DMXL1: variants seen among roughly 807,000 people sequenced by gnomAD.
DMXL1 encodes the protein Dmx like 1, also known as dmX-like protein 1.
A neutral mutation model predicts 319.2 loss-of-function variants in DMXL1; 99 were observed. The ratio of observed to expected loss-of-function variants is 0.31; its 90% CI spans 0.26 to 0.37. DMXL1 has a LOEUF of 0.37. Ranked by LOEUF, DMXL1 falls within the 10% of genes least tolerant of loss-of-function variation. DMXL1 has a pLI of 1.00. For synonymous variants in DMXL1, 1,385 were observed against 1,235.2 expected, an observed-to-expected ratio of 1.12 and a Z score of -2.54; for missense variants, 3,745 against 3,595.6, an observed-to-expected ratio of 1.04 and a Z score of -1.06.
intron 38 of DMXL1, among the ~76,000 whole-genome samples, chr5:119,230,642 G>C (rs1288747298): frequency 2.0e-5 from 3 of 152,156 alleles, no homozygotes; most frequent in Non-Finnish European, 4.4e-5. Flanking sequence ...CAGCACTTTG[G>C]GAGGCCAAGG....
intron 25 of DMXL1, among the ~76,000 whole-genome samples, chr5:119,175,043 A>C (rs1476696735): frequency 6.6e-6 from 1 of 152,184 alleles, no homozygotes; most frequent in Non-Finnish European, 1.5e-5. Flanking sequence ...TGTGTTTTAT[A>C]ATTTCTGCTG....
chr5:119,159,564 T>C (rs991510302), intron 19 of DMXL1, among the ~76,000 whole-genome samples: 4 of 152,274 alleles, frequency 2.6e-5, no homozygotes, highest in East Asian at 3.8e-4. Flanking sequence ...TAATCTCTTA[T>C]GATTATTTGT....
At chr5:119,146,757 C>A in intron 15 of DMXL1, 80 bp from the exon 16 acceptor site, 1 of 1,346,898 alleles carries the variant, frequency 7.4e-7, no homozygotes, top group Non-Finnish European at 9.9e-7. Flanking sequence ...TTTTAAAGTC[C>A]AATTATTTTA....
rs369067362 is a variant in DMXL1, at chr5:119,213,322, C to T, written c.7927-3579C>T. Among the ~76,000 whole-genome samples, 46 of 152,270 alleles carry T rather than the reference C, an allele frequency of 3.0e-4. 1 individual carries two copies. Among genetic ancestry groups the T allele is most frequent in the Middle Eastern group, 6.8e-3 (2 of 294 alleles). ...ATGCAGATATTTTCTTCTGCCTCCT[C>T]TAACAGAGTGAACTGTTACCCTTTT... On this transcript the variant is annotated intron_variant, in intron 34 of 43. Coordinates refer to ENST00000539542, the MANE Select transcript of DMXL1 (RefSeq NM_001290321.3).
In DMXL1 at chr5:119,248,401, A is replaced by G. The variant is rs1790105665; in HGVS notation, c.*1182A>G. ...ACAATGCTTTTAACTTAAATGTGCT[A>G]ACCCTGTTTCTGTCTGTTTTGTGCT... On this transcript the variant is annotated 3_prime_UTR_variant, in exon 44 of 44. Coordinates refer to ENST00000539542, the MANE Select transcript of DMXL1 (RefSeq NM_001290321.3). The G allele has an allele frequency of 6.6e-6, 1 of 152,518 alleles. No individual in the cohort carries two copies. The allele number at this position is 152,518 out of a possible 1,614,324, so 9.4% of individuals were successfully genotyped here. A position where few individuals can be genotyped will look rare whatever the true frequency, so the allele number is the denominator to read the frequency against.
In DMXL1 at chr5:119,192,231, A is replaced by G. The variant is rs547888242; in HGVS notation, c.7315-1597A>G. ...GATCAATTACATTTGCTCCTGTCTT[A>G]TTTCCTCCTGTTATAATGGAGAAAG... On this transcript the variant is annotated intron_variant, in intron 29 of 43. Coordinates refer to ENST00000539542, the MANE Select transcript of DMXL1 (RefSeq NM_001290321.3). Among the ~76,000 whole-genome samples, 5 of 152,250 alleles carry G rather than the reference A, an allele frequency of 3.3e-5. No homozygotes were observed. The South Asian group carries it at 1.0e-3, about 32-fold the overall frequency.
intron 1 of DMXL1, among the ~76,000 whole-genome samples, chr5:119,086,677 A>G (rs1205702562): frequency 3.3e-5 from 5 of 152,036 alleles, no homozygotes; most frequent in African/African-American, 1.2e-4. Context: ...TCAGGTCCTG[A>G]GCTTTTCTTT....
chr5:119,115,164 C>G (rs549530936), intron 6 of DMXL1, among the ~76,000 whole-genome samples: 15 of 152,290 alleles, frequency 9.8e-5, no homozygotes, highest in Admixed American at 9.8e-4. Context: ...ACACCTACCT[C>G]ATAGGTCATT....
At chr5:119,080,791 C>T (rs1752027650) in intron 1 of DMXL1, among the ~76,000 whole-genome samples, 1 of 152,138 alleles carries the variant, frequency 6.6e-6, no homozygotes, top group Admixed American at 6.6e-5. Context: ...CATCACTTTT[C>T]CTCCTCTCTG....
At chr5:119,099,823 G>T (rs929751486) in intron 2 of DMXL1, among the ~76,000 whole-genome samples, 16 of 151,934 alleles carry the variant, frequency 1.1e-4, no homozygotes, top group Admixed American at 3.9e-4. Context: ...GGGCAACCCT[G>T]TCTCTACAAA....
chr5:119,195,087 A>C (rs1375487311), intron 30 of DMXL1, among the ~76,000 whole-genome samples: 1 of 152,030 alleles, frequency 6.6e-6, no homozygotes, highest in Non-Finnish European at 1.5e-5. Flanking sequence ...AACAAAAACA[A>C]AAAAAATAAC....
intron 1 of DMXL1, among the ~76,000 whole-genome samples, chr5:119,094,062 G>A (rs941173399): frequency 2.0e-5 from 3 of 152,176 alleles, no homozygotes; most frequent in Admixed American, 6.5e-5. Context: ...TAGAAGCTTC[G>A]GCATGTTATC....
At chr5:119,237,062 C>T (rs945091782) in intron 39 of DMXL1, 2 of 196,448 alleles carry the variant, frequency 1.0e-5, no homozygotes, top group Admixed American at 1.2e-4. Flanking sequence ...GTAATACTTA[C>T]AGAGAATATA....
intron 1 of DMXL1, among the ~76,000 whole-genome samples, chr5:119,088,349 A>T (rs1051335915): frequency 6.6e-6 from 1 of 152,092 alleles, no homozygotes; most frequent in African/African-American, 2.4e-5. Context: ...TTTGTTGGTA[A>T]GGTGGGTTTC....
At chr5:119,169,415 A>G (rs1774108432) in intron 23 of DMXL1, among the ~76,000 whole-genome samples, 1 of 152,178 alleles carries the variant, frequency 6.6e-6, no homozygotes, top group Non-Finnish European at 1.5e-5. Flanking sequence ...AGGAGTGTAA[A>G]GGAATTAGGA....
chr5:119,214,009 G>A (rs1256886826), intron 34 of DMXL1, among the ~76,000 whole-genome samples: 4 of 152,054 alleles, frequency 2.6e-5, no homozygotes, highest in African/African-American at 4.8e-5. Flanking sequence ...CCAGAATTCA[G>A]TTCTCTAACT....
chr5:119,217,982 G>C (rs948055276), intron 35 of DMXL1, among the ~76,000 whole-genome samples: 1 of 152,006 alleles, frequency 6.6e-6, no homozygotes, highest in Non-Finnish European at 1.5e-5. Context: ...AGACAGTTCT[G>C]TTATCAAAGA....
chr5:119,074,536 G>T (rs760257400), intron 1 of DMXL1, among the ~76,000 whole-genome samples: 3 of 152,144 alleles, frequency 2.0e-5, no homozygotes, highest in Non-Finnish European at 2.9e-5. Flanking sequence ...GGTTTTAAAT[G>T]GAAATGAAAC....
intron 40 of DMXL1, among the ~76,000 whole-genome samples, chr5:119,238,102 A>G (rs1450460241): frequency 1.3e-5 from 2 of 152,100 alleles, no homozygotes; most frequent in Non-Finnish European, 2.9e-5. Flanking sequence ...TCATATTTTT[A>G]TTAAGCTTAA....
Sources: gnomAD v4.1 joint callset for allele counts (sites outside exome capture counted in the v4.1 genomes callset) on GRCh38, gnomAD v4.1.1 for gene constraint, MANE v1.5 for transcripts, NCBI Gene and HGNC (gene_info 2026-07-23, HGNC 2026-07-21) for gene names.